The following NRG3 variants were observed in gnomAD, a reference collection of about 807,000 sequenced individuals.
NRG3 encodes the protein neuregulin 3, also known as pro-neuregulin-3, membrane-bound isoform.
In NRG3, 31 loss-of-function variants were observed where a neutral mutation model predicts 66.9. That is an observed-to-expected ratio of 0.46 (90% CI 0.35 to 0.63). The LOEUF is 0.63. Among genes scored for constraint, NRG3 ranks in the 20% least tolerant of loss-of-function variants. The pLI is 0.00. For synonymous variants in NRG3, 393 were observed against 359.4 expected (o/e 1.09, Z -1.06); for missense variants, 910 against 878.9 (o/e 1.04, Z -0.45).
intron 1 of NRG3, among the ~76,000 whole-genome samples, chr10:82,066,004 C>T (rs1030441772): frequency 4.6e-5 from 7 of 152,108 alleles, no homozygotes; most frequent in Admixed American, 1.3e-4. Context: ...ATTGTCTTAA[C>T]CTTTACTTTT....
chr10:82,381,183 A>C (rs1004932432), intron 2 of NRG3, among the ~76,000 whole-genome samples: 4 of 152,122 alleles, frequency 2.6e-5, no homozygotes, highest in African/African-American at 9.7e-5. Context: ...CCATCAATTA[A>C]AGATGCATAG....
intron 2 of NRG3, among the ~76,000 whole-genome samples, chr10:82,475,005 A>C (rs546854158): frequency 1.3e-5 from 2 of 152,004 alleles, no homozygotes; most frequent in African/African-American, 2.4e-5. Context: ...AAGAAAAAAA[A>C]CTTATCAACC....
chr10:82,154,354 G>A (rs1246451294), intron 1 of NRG3, among the ~76,000 whole-genome samples: 1 of 151,782 alleles, frequency 6.6e-6, no homozygotes, highest in Non-Finnish European at 1.5e-5. Context: ...TATATTCTTG[G>A]CACCTTTGTC....
intron 2 of NRG3, among the ~76,000 whole-genome samples, chr10:82,703,939 C>T (rs989786617): frequency 1.3e-5 from 2 of 152,046 alleles, no homozygotes; most frequent in South Asian, 2.1e-4. Flanking sequence ...ATCAGATAAG[C>T]TACCTTTTAA....
intron 1 of NRG3, among the ~76,000 whole-genome samples, chr10:82,245,977 G>GTT (rs1564705646): frequency 5.0e-5 from 5 of 100,260 alleles, no homozygotes; most frequent in Non-Finnish European, 5.7e-5. Flanking sequence ...CCAGTCTTCT[G>GTT]GTTTTTTTTT....
intron 1 of NRG3, among the ~76,000 whole-genome samples, chr10:82,351,666 G>A (rs1237145691): frequency 2.0e-5 from 3 of 152,134 alleles, no homozygotes; most frequent in Non-Finnish European, 4.4e-5. Flanking sequence ...CACTGCTCAC[G>A]TGTAAGTAAG....
chr10:82,170,567 C>T lies in NRG3; in HGVS notation c.824-188172C>T, dbSNP rs1033343038. Among the ~76,000 whole-genome samples the T allele has an allele frequency of 1.3e-4, 19 of 148,164 alleles. No individual in the cohort carries two copies. The South Asian group carries it at 3.0e-3, about 23-fold the overall frequency. ...CATTTATTAGTTGTTTGACCTTGGGCGAAGTCTCACTAAAGCTTAATTTTC... is the reference window on the plus strand; with the variant it reads ...CATTTATTAGTTGTTTGACCTTGGGTGAAGTCTCACTAAAGCTTAATTTTC... On this transcript the variant is annotated intron_variant, in intron 1 of 8. Coordinates refer to ENST00000372141, the MANE Select transcript of NRG3 (RefSeq NM_001010848.4).
In NRG3 at chr10:82,602,409, CTG is replaced by C. The variant is rs2047692468; in HGVS notation, c.954-136166_954-136165del. ...TTTCAGGGAAGATGTAACATACTAACTGTTAAAGAATGATCCTCTACTTATAG... is the reference window on the plus strand; with the variant it reads ...TTTCAGGGAAGATGTAACATACTAACTTAAAGAATGATCCTCTACTTATAG... On this transcript the variant is annotated intron_variant, in intron 2 of 8. Coordinates refer to ENST00000372141, the MANE Select transcript of NRG3 (RefSeq NM_001010848.4). Among the ~76,000 whole-genome samples the C allele has an allele frequency of 3.3e-5, 5 of 151,988 alleles. No homozygotes were observed. In the South Asian group the frequency reaches 1.0e-3, roughly 31 times the overall value.
At chr10:82,650,203 C>G (rs1290339169) in intron 2 of NRG3, among the ~76,000 whole-genome samples, 2 of 152,104 alleles carry the variant, frequency 1.3e-5, no homozygotes, top group Non-Finnish European at 2.9e-5. Context: ...GTGTATGTCT[C>G]CCTTTACAGG....
At chr10:82,623,798 A>T (rs1472823924) in intron 2 of NRG3, among the ~76,000 whole-genome samples, 1 of 152,208 alleles carries the variant, frequency 6.6e-6, no homozygotes, top group Non-Finnish European at 1.5e-5. Context: ...ATGGGCAAAA[A>T]CAAAAACCTC....
intron 1 of NRG3, among the ~76,000 whole-genome samples, chr10:82,277,533 G>T (rs55844927): frequency 0.095 from 14,374 of 151,958 alleles, 860 homozygotes; most frequent in Non-Finnish European, 0.14. Flanking sequence ...TCTCAATAAG[G>T]GAATATGGTA....
chr10:82,138,834 C>T (rs2069558726), intron 1 of NRG3, among the ~76,000 whole-genome samples: 1 of 152,036 alleles, frequency 6.6e-6, no homozygotes, highest in African/African-American at 2.4e-5. Context: ...CAGATGAAGA[C>T]CAGAAGACTC....
At chr10:82,959,492 G>C (rs1167152332) in intron 6 of NRG3, among the ~76,000 whole-genome samples, 1 of 152,118 alleles carries the variant, frequency 6.6e-6, no homozygotes, top group African/African-American at 2.4e-5. Context: ...AGTTGTTGTT[G>C]CAGCAGAGGT....
intron 6 of NRG3, among the ~76,000 whole-genome samples, chr10:82,972,080 C>T (rs1216785017): frequency 3.3e-5 from 5 of 152,100 alleles, no homozygotes; most frequent in Non-Finnish European, 5.9e-5. Context: ...TAGTTTCACA[C>T]TTATTCCTGT....
chr10:82,764,323 C>A (rs150039717), intron 3 of NRG3, among the ~76,000 whole-genome samples: 299 of 152,210 alleles, frequency 2.0e-3, no homozygotes, highest in African/African-American at 6.9e-3. Flanking sequence ...GTGTGAGCCA[C>A]CAGACCCGGC....
At chr10:82,521,727 G>A (rs527931113) in intron 2 of NRG3, among the ~76,000 whole-genome samples, 3 of 152,202 alleles carry the variant, frequency 2.0e-5, no homozygotes, top group African/African-American at 4.8e-5. Context: ...AGCATGTGAC[G>A]CCCTTTCGTA....
At chr10:81,933,107 CA>C (rs769607380) in intron 1 of NRG3, among the ~76,000 whole-genome samples, 6,496 of 59,414 alleles carry the variant, frequency 0.11, 252 homozygotes, top group African/African-American at 0.24. Context: ...CGCTCCATCT[CA>C]AAAAAAAAAA....
At chr10:82,768,246 T>C (rs1321419131) in intron 3 of NRG3, among the ~76,000 whole-genome samples, 1 of 152,156 alleles carries the variant, frequency 6.6e-6, no homozygotes, top group East Asian at 1.9e-4. Flanking sequence ...ACGTTTTTAG[T>C]CTCAGACTTC....
At chr10:82,300,682 A>G (rs1426861998) in intron 1 of NRG3, among the ~76,000 whole-genome samples, 1 of 152,192 alleles carries the variant, frequency 6.6e-6, no homozygotes, top group Non-Finnish European at 1.5e-5. Flanking sequence ...GGAAATTTAT[A>G]TCTACAGAAA....
Sources: allele counts gnomAD v4.1 joint callset (sites outside exome capture counted in the v4.1 genomes callset), GRCh38; gene constraint gnomAD v4.1.1; transcripts MANE v1.5; gene names NCBI Gene and HGNC (gene_info 2026-07-23, HGNC 2026-07-21).